BUB1B: variants seen among roughly 807,000 people sequenced by gnomAD.
The protein encoded by BUB1B is mitotic checkpoint serine/threonine-protein kinase BUB1 beta.
Under a neutral mutation model 137.7 loss-of-function variants are expected in BUB1B, and 86 were observed. The ratio of observed to expected loss-of-function variants is 0.62; its 90% CI spans 0.52 to 0.75. The LOEUF (loss-of-function observed/expected upper bound fraction) is 0.75, where lower values mean the gene tolerates loss of function less well. Ranked by LOEUF, BUB1B falls within the 30% of genes least tolerant of loss-of-function variation. The pLI, the probability that BUB1B is intolerant of heterozygous loss-of-function variation, is 0.00. For missense variants in BUB1B, 1,130 were observed against 1,236.9 expected, an observed-to-expected ratio of 0.91 and a Z score of 1.30; for synonymous variants, 420 against 417.9, an observed-to-expected ratio of 1.00 and a Z score of -0.06.
At chr15:40,206,116 T>C (rs2037633033) in intron 14 of BUB1B, 68 bp from the exon 15 acceptor site, 1 of 1,515,540 alleles carries the variant, frequency 6.6e-7, no homozygotes, top group East Asian at 2.3e-5. Flanking sequence ...CTAATATGTC[T>C]CTCTCAGTAA....
chr15:40,165,659 A>G (rs2037087045), intron 2 of BUB1B, among the ~76,000 whole-genome samples: 1 of 152,192 alleles, frequency 6.6e-6, no homozygotes, highest in South Asian at 2.1e-4. Context: ...AAATACTCTT[A>G]TGTTATTCAA....
chr15:40,205,169 G>GC (rs1457777811), intron 14 of BUB1B, among the ~76,000 whole-genome samples: 1 of 151,866 alleles, frequency 6.6e-6, no homozygotes, highest in African/African-American at 2.4e-5. Context: ...CTGGTCTCGA[G>GC]CGCCTGACCT....
rs2037225471 is a variant in BUB1B, at chr15:40,176,525, C to G, written c.433C>G (p.Gln145Glu). The change falls in exon 5 of 23, where the codon CAA (glutamine) becomes GAA (glutamate). Residue 145 changes from glutamine (Q) to glutamate (E), a missense_variant. Physicochemically the swap from Gln to Glu is conservative, Grantham distance 29. Transcript: ENST00000287598. Reference sequence around the variant, plus strand: ...GGATATGTACAGTTACTTGCACAACCAAGGGATTGGTGTTTCACTTGCTCA... The same window carrying G: ...GGATATGTACAGTTACTTGCACAACGAAGGGATTGGTGTTTCACTTGCTCA... ...PLDMYSYLHN[Q>E]GIGVSLAQFY... 1 of 1,613,952 alleles carries G rather than the reference C, an allele frequency of 6.2e-7. No individual in the cohort carries two copies. The highest frequency in any genetic ancestry group is 1.3e-5 in the African/African-American group (1 of 74,898).
chr15:40,212,941 A>G (rs2037732713), intron 19 of BUB1B, among the ~76,000 whole-genome samples: 1 of 152,174 alleles, frequency 6.6e-6, no homozygotes, highest in African/African-American at 2.4e-5. Flanking sequence ...TTTTAGCTAT[A>G]CTACCCCCAC....
chr15:40,179,306 A>C (rs1317487160), intron 5 of BUB1B, among the ~76,000 whole-genome samples: 2 of 152,112 alleles, frequency 1.3e-5, no homozygotes, highest in Admixed American at 1.3e-4. Flanking sequence ...TTATTTATCC[A>C]TTCATCAGTT....
chr15:40,209,055 C>T (rs1448665586), intron 16 of BUB1B, among the ~76,000 whole-genome samples: 1 of 152,124 alleles, frequency 6.6e-6, no homozygotes, highest in Non-Finnish European at 1.5e-5. Flanking sequence ...AGGATCCTCC[C>T]GCCTCAGCCT....
chr15:40,199,801 T>A, intron 10 of BUB1B, 74 bp downstream of exon 10: 1 of 1,165,826 alleles, frequency 8.6e-7, no homozygotes, highest in Non-Finnish European at 1.3e-6. Context: ...ATATAGAAGG[T>A]TAAAGTCCTC....
intron 8 of BUB1B, among the ~76,000 whole-genome samples, chr15:40,187,892 C>T (rs965936032): frequency 1.3e-5 from 2 of 152,064 alleles, no homozygotes; most frequent in Non-Finnish European, 2.9e-5. Context: ...CAGAGTGAGA[C>T]CTTGTCTCAA....
In BUB1B at chr15:40,202,628, A is replaced by G. The variant is rs1173638724; in HGVS notation, c.1668A>G (p.Arg556=). The change falls in exon 14 of 23, where the codon AGA becomes AGG. Residue 556 remains arginine (R), a synonymous_variant. Coordinates refer to ENST00000287598, the MANE Select transcript of BUB1B (RefSeq NM_001211.6). ...CCCCACGAGTTTTAGCTCAACGAAG[A>G]CCCCTTGCAGTTCTCAAAACCTCAG... ...ADPPRVLAQR[R]PLAVLKTSES... is the part of the protein sequence containing the mutation. The G allele has an allele frequency of 6.2e-7, 1 of 1,613,976 alleles. No individual in the cohort carries two copies. Among genetic ancestry groups the G allele is most frequent in the African/African-American group, 1.3e-5 (1 of 74,904 alleles).
chr15:40,193,893 T>TAA (rs79901868), intron 8 of BUB1B, among the ~76,000 whole-genome samples: 7,007 of 122,592 alleles, frequency 0.057, 600 homozygotes, highest in African/African-American at 0.19. Context: ...AGATTCTGTC[T>TAA]AAAAAAAAAA....
chr15:40,213,562 G>T (rs2037740315), intron 20 of BUB1B, 88 bp downstream of exon 20: 3 of 1,409,000 alleles, frequency 2.1e-6, no homozygotes, highest in African/African-American at 1.4e-5. Flanking sequence ...TGAGGCGAGG[G>T]TCTCACTCTG....
At chr15:40,201,096 C>T (rs2037563387) in intron 12 of BUB1B, 116 bp downstream of exon 12, 8 of 953,166 alleles carry the variant, frequency 8.4e-6, no homozygotes, top group Non-Finnish European at 1.1e-5. Context: ...GACTAGGATA[C>T]TAGGAATTTA....
At chr15:40,173,295 T>TAAAAAAAAAA (rs61078619) in intron 4 of BUB1B, among the ~76,000 whole-genome samples, 20 of 85,888 alleles carry the variant, frequency 2.3e-4, no homozygotes, top group Non-Finnish European at 3.2e-4. Context: ...GAAAAAAAGA[T>TAAAAAAAAAA]AAAAAAAAAA....
intron 17 of BUB1B, 48 bp downstream of exon 17, chr15:40,209,823 T>C (rs916943740): frequency 6.2e-7 from 1 of 1,606,318 alleles, no homozygotes; most frequent in Admixed American, 1.7e-5. Context: ...AGTATACAAA[T>C]AAGTGATTAT....
chr15:40,185,884 C>T (rs1374065007), intron 8 of BUB1B, among the ~76,000 whole-genome samples: 2 of 151,970 alleles, frequency 1.3e-5, no homozygotes, highest in African/African-American at 4.8e-5. Context: ...AAAAAGTAAC[C>T]AGACAAAATT....
chr15:40,212,361 C>T (rs763430288), intron 18 of BUB1B, 138 bp from the exon 19 acceptor site: 1 of 681,578 alleles, frequency 1.5e-6, no homozygotes, highest in Non-Finnish European at 2.5e-6. Context: ...GTTATTGTGT[C>T]TTTTATAGTA....
At chr15:40,207,762 T>G (rs368540307) in intron 15 of BUB1B, among the ~76,000 whole-genome samples, 1 of 151,772 alleles carries the variant, frequency 6.6e-6, no homozygotes. Flanking sequence ...TATTGCTGAG[T>G]GCATTGGCTC....
At chr15:40,164,157 C>A (rs1015549082) in intron 1 of BUB1B, among the ~76,000 whole-genome samples, 10 of 152,108 alleles carry the variant, frequency 6.6e-5, no homozygotes, top group Admixed American at 5.9e-4. Context: ...CTTTTAGCTA[C>A]TTATATGTAC....
rs913732364 is a variant in BUB1B at position 40,188,740 on chromosome 15, G to A, written c.1058+3098G>A. Among the ~76,000 whole-genome samples the A allele has an allele frequency of 4.6e-5, 7 of 151,686 alleles. No homozygotes were observed. In the South Asian group the frequency reaches 8.3e-4, roughly 18 times the overall value. ...TGGCATTATAGACGCCCGCCACGAC[G>A]CCCAGCTAATTTTTGTATTTTTAGT... On this transcript the variant is annotated intron_variant, in intron 8 of 22. Transcript: ENST00000287598.
Sources: allele counts gnomAD v4.1 joint callset (sites outside exome capture counted in the v4.1 genomes callset), GRCh38; gene constraint gnomAD v4.1.1; transcripts MANE v1.5; gene names NCBI Gene and HGNC (gene_info 2026-07-23, HGNC 2026-07-21).